THSD4: variants seen among roughly 807,000 people sequenced by gnomAD.
THSD4 encodes thrombospondin type-1 domain-containing protein 4.
A neutral mutation model predicts 119.0 loss-of-function variants in THSD4; 69 were observed. The observed-to-expected ratio is 0.58, with a 90% CI of 0.48 to 0.71. THSD4 has a LOEUF of 0.71. Among genes scored for constraint, THSD4 ranks in the 30% least tolerant of loss-of-function variants. THSD4 has a pLI of 0.00. For synonymous variants in THSD4, 524 were observed against 540.4 expected, an observed-to-expected ratio of 0.97 and a Z score of 0.42; for missense variants, 1,393 against 1,391.1, an observed-to-expected ratio of 1.00 and a Z score of -0.02.
chr15:71,483,792 C>T (rs974058563), intron 7 of THSD4, among the ~76,000 whole-genome samples: 1 of 151,374 alleles, frequency 6.6e-6, no homozygotes, highest in Non-Finnish European at 1.5e-5. Context: ...GTTCCCCTCC[C>T]TCTGCCCATG....
At chr15:71,528,809 T>C (rs1469604600) in intron 7 of THSD4, among the ~76,000 whole-genome samples, 1 of 152,210 alleles carries the variant, frequency 6.6e-6, no homozygotes, top group African/African-American at 2.4e-5. Context: ...TCTTGATCTG[T>C]GGCAGGTGTT....
At chr15:71,731,035 T>A in intron 9 of THSD4, 86 bp from the exon 10 acceptor site, 1 of 1,269,872 alleles carries the variant, frequency 7.9e-7, no homozygotes, top group Non-Finnish European at 1.1e-6. Flanking sequence ...CCCAGTCATT[T>A]CTCAGTAGTT....
At chr15:71,282,946 C>T (rs1010255498) in intron 6 of THSD4, among the ~76,000 whole-genome samples, 2 of 151,672 alleles carry the variant, frequency 1.3e-5, no homozygotes, top group Non-Finnish European at 2.9e-5. Context: ...TTTCTTTGAC[C>T]TGTGAGGTGG....
intron 6 of THSD4, among the ~76,000 whole-genome samples, chr15:71,299,883 T>A (rs1376496496): frequency 6.6e-6 from 1 of 150,496 alleles, no homozygotes; most frequent in African/African-American, 2.4e-5. Flanking sequence ...CCCAGCAATT[T>A]GGGAGGCCCA....
intron 1 of THSD4, among the ~76,000 whole-genome samples, chr15:71,119,719 G>A (rs1296744971): frequency 6.6e-6 from 1 of 152,250 alleles, no homozygotes; most frequent in African/African-American, 2.4e-5. Context: ...CAAGTTGCTT[G>A]GTTTGGGACC....
At chr15:71,625,350 G>T (rs1184427990) in intron 7 of THSD4, among the ~76,000 whole-genome samples, 1 of 152,158 alleles carries the variant, frequency 6.6e-6, no homozygotes, top group Non-Finnish European at 1.5e-5. Flanking sequence ...ATTCTACAGG[G>T]TTCTTGGAGA....
chr15:71,297,801 A>G (rs2140333059), intron 6 of THSD4, among the ~76,000 whole-genome samples: 1 of 152,118 alleles, frequency 6.6e-6, no homozygotes, highest in South Asian at 2.1e-4. Context: ...ATTGGGTTGT[A>G]TGTCTTTTTG....
intron 7 of THSD4, among the ~76,000 whole-genome samples, chr15:71,595,426 GC>G (rs1285056729): frequency 2.6e-5 from 4 of 152,072 alleles, no homozygotes; most frequent in Admixed American, 1.3e-4. Context: ...AGAGGTTTCC[GC>G]TTTTGCTTCT....
intron 14 of THSD4, among the ~76,000 whole-genome samples, chr15:71,755,615 A>G (rs567162855): frequency 6.8e-6 from 1 of 148,084 alleles, no homozygotes; most frequent in Admixed American, 6.9e-5. Context: ...ACTGATATTC[A>G]TGGATTTACT....
At chr15:71,374,278 T>C (rs1434900007) in intron 6 of THSD4, among the ~76,000 whole-genome samples, 2 of 152,208 alleles carry the variant, frequency 1.3e-5, no homozygotes, top group Non-Finnish European at 2.9e-5. Context: ...AAATGTACCA[T>C]GAAGTCGATA....
chr15:71,752,592 G>A (rs772997421), intron 14 of THSD4, among the ~76,000 whole-genome samples: 12 of 152,158 alleles, frequency 7.9e-5, no homozygotes, highest in African/African-American at 2.2e-4. Context: ...TTTAAGAAAC[G>A]CACATTGGCT....
At chr15:71,586,262 T>A (rs1277381641) in intron 7 of THSD4, among the ~76,000 whole-genome samples, 2 of 152,172 alleles carry the variant, frequency 1.3e-5, no homozygotes, top group African/African-American at 4.8e-5. Context: ...TATTCTACTA[T>A]CTTGCTGATG....
intron 8 of THSD4, among the ~76,000 whole-genome samples, chr15:71,707,910 G>A (rs1453973616): frequency 6.6e-6 from 1 of 152,156 alleles, no homozygotes; most frequent in East Asian, 1.9e-4. Context: ...CCAGGGCTTG[G>A]GAATAACCAC....
At chr15:71,641,770 C>G (rs977009020) in intron 7 of THSD4, among the ~76,000 whole-genome samples, 10 of 152,052 alleles carry the variant, frequency 6.6e-5, no homozygotes, top group African/African-American at 2.4e-4. Flanking sequence ...TTTTAAGCCA[C>G]TGTTTTCACA....
chr15:71,372,172 C>T (rs2046060789), intron 6 of THSD4, among the ~76,000 whole-genome samples: 1 of 152,134 alleles, frequency 6.6e-6, no homozygotes, highest in Admixed American at 6.5e-5. Context: ...TTCTAGTTAG[C>T]CATTTGTCTA....
chr15:71,199,920 T>TGTGTGTGTGTGGTGCATGTGTGGG (rs1567155146), intron 3 of THSD4, among the ~76,000 whole-genome samples: 11 of 113,952 alleles, frequency 9.7e-5, no homozygotes, highest in Middle Eastern at 4.7e-3. Context: ...GTGTGGGGTG[T>TGTGTGTGTGTGGTGCATGTGTGGG]GTGTGTGTGT....
At chr15:71,366,605 T>C (rs755970484) in intron 6 of THSD4, among the ~76,000 whole-genome samples, 4 of 152,144 alleles carry the variant, frequency 2.6e-5, no homozygotes, top group Non-Finnish European at 4.4e-5. Context: ...ATATGGGCCC[T>C]CTCAGTTGGG....
intron 7 of THSD4, among the ~76,000 whole-genome samples, chr15:71,573,427 AC>A (rs894336839): frequency 6.6e-6 from 1 of 152,190 alleles, no homozygotes; most frequent in Non-Finnish European, 1.5e-5. Flanking sequence ...AAGCGCAAAA[AC>A]TAGAAGGTAG....
chr15:71,608,266 A>G (rs1477071879), intron 7 of THSD4, among the ~76,000 whole-genome samples: 1 of 149,894 alleles, frequency 6.7e-6, no homozygotes, highest in African/African-American at 2.4e-5. Context: ...ACACACACAC[A>G]CACACACACA....
Sources: allele counts gnomAD v4.1 joint callset (sites outside exome capture counted in the v4.1 genomes callset), GRCh38; gene constraint gnomAD v4.1.1; transcripts MANE v1.5; gene names NCBI Gene and HGNC (gene_info 2026-07-23, HGNC 2026-07-21).